The following BRD10 variants were observed in gnomAD, a reference collection of about 807,000 sequenced individuals.
BRD10 encodes bromodomain containing 10, also known as uncharacterized bromodomain-containing protein 10.
At chr9:6,007,707 G>C in the BRD10 span, 1 of 1,607,060 alleles carries the variant, frequency 6.2e-7, no homozygotes, top group African/African-American at 1.3e-5. Context: ...CCTCCTCGTC[G>C]TCCTCTCCTT....
chr9:5,973,047 T>G, the BRD10 span, among the ~76,000 whole-genome samples: 4 of 152,136 alleles, frequency 2.6e-5, no homozygotes, highest in African/African-American at 9.7e-5. Flanking sequence ...CAGTGATCCC[T>G]AACTAAAGCA....
the BRD10 span, among the ~76,000 whole-genome samples, chr9:5,958,658 A>G: frequency 6.6e-6 from 1 of 152,228 alleles, no homozygotes; most frequent in Non-Finnish European, 1.5e-5. Flanking sequence ...ACAGAAAAAA[A>G]AAGGTACTTC....
At chr9:5,969,351 C>T in the BRD10 span, 5 of 1,612,390 alleles carry the variant, frequency 3.1e-6, no homozygotes, top group African/African-American at 1.3e-5. Flanking sequence ...CAAGTTGGAG[C>T]TGCTTGAGCT....
the BRD10 span, among the ~76,000 whole-genome samples, chr9:5,929,934 C>T: frequency 1.1e-4 from 17 of 152,218 alleles, no homozygotes; most frequent in Middle Eastern, 3.4e-3. Flanking sequence ...CTTAGAACCA[C>T]ATCACTACCT....
At chr9:5,919,543 AAC>A in the BRD10 span, 4,392 of 396,440 alleles carry the variant, frequency 0.011, 7 homozygotes, top group African/African-American at 0.014. Flanking sequence ...GATACATTAA[AAC>A]ACACACACAC....
chr9:5,978,023 C>T, the BRD10 span, among the ~76,000 whole-genome samples: 2 of 152,286 alleles, frequency 1.3e-5, no homozygotes, highest in South Asian at 4.1e-4. Flanking sequence ...TACCAAAAGG[C>T]TGCCTAAGGA....
the BRD10 span, among the ~76,000 whole-genome samples, chr9:5,917,027 A>C: frequency 1.6e-4 from 25 of 152,350 alleles, no homozygotes; most frequent in African/African-American, 6.0e-4. Flanking sequence ...ATGGAGCATT[A>C]GTTTTAAAAA....
At chr9:5,920,800 A>G in the BRD10 span, 1 of 1,614,000 alleles carries the variant, frequency 6.2e-7, no homozygotes, top group East Asian at 2.2e-5. Context: ...AACATTTAGG[A>G]GACACTACTG....
the BRD10 span, among the ~76,000 whole-genome samples, chr9:5,960,012 A>G: frequency 1.3e-5 from 2 of 152,134 alleles, no homozygotes; most frequent in Non-Finnish European, 2.9e-5. Context: ...GTTATTCAAC[A>G]TTTTCCACCT....
the BRD10 span, chr9:5,919,022 T>C: frequency 6.6e-6 from 1 of 152,580 alleles, no homozygotes; most frequent in African/African-American, 2.4e-5. Flanking sequence ...AACAAAGAAA[T>C]ACAGCAACTC....
the BRD10 span, among the ~76,000 whole-genome samples, chr9:5,884,641 T>G: frequency 1.3e-5 from 2 of 152,180 alleles, no homozygotes; most frequent in Admixed American, 6.5e-5. Context: ...CTCAAGCCTC[T>G]TCTGTACCAA....
the BRD10 span, among the ~76,000 whole-genome samples, chr9:6,000,485 A>G: frequency 6.6e-6 from 1 of 152,192 alleles, no homozygotes; most frequent in East Asian, 1.9e-4. Flanking sequence ...TCTCTCCAAG[A>G]TATGATTTTT....
At chr9:5,994,901 C>CTTTTTTTTTTCT in the BRD10 span, among the ~76,000 whole-genome samples, 310 of 141,682 alleles carry the variant, frequency 2.2e-3, 4 homozygotes, top group African/African-American at 7.4e-3. Flanking sequence ...TATCATTTTT[C>CTTTTTTTTTTCT]TTTTTTTTTT....
At chr9:5,896,782 G>A in the BRD10 span, among the ~76,000 whole-genome samples, 1 of 152,186 alleles carries the variant, frequency 6.6e-6, no homozygotes, top group African/African-American at 2.4e-5. Flanking sequence ...AGGGGTCACT[G>A]AACACAGGGC....
At chr9:5,979,865 C>T in the BRD10 span, among the ~76,000 whole-genome samples, 1 of 151,222 alleles carries the variant, frequency 6.6e-6, no homozygotes, top group South Asian at 2.1e-4. Context: ...AAAATACAAA[C>T]ATTAGCTGGG....
the BRD10 span, among the ~76,000 whole-genome samples, chr9:5,966,351 A>G: frequency 6.6e-6 from 1 of 151,964 alleles, no homozygotes; most frequent in Non-Finnish European, 1.5e-5. Context: ...AATAAACAAT[A>G]AAGGGTTCTG....
the BRD10 span, among the ~76,000 whole-genome samples, chr9:5,994,903 T>TTCTTTTTTCTG: frequency 4.8e-5 from 7 of 145,512 alleles, no homozygotes; most frequent in Non-Finnish European, 1.1e-4. Flanking sequence ...TCATTTTTCT[T>TTCTTTTTTCTG]TTTTTTTTTT....
chr9:5,967,368 T>C, the BRD10 span, among the ~76,000 whole-genome samples: 8 of 152,192 alleles, frequency 5.3e-5, no homozygotes, highest in Non-Finnish European at 7.4e-5. Flanking sequence ...GAAGACTTCA[T>C]AGAATTTTCT....
At chr9:5,950,192 G>C in the BRD10 span, among the ~76,000 whole-genome samples, 1 of 152,112 alleles carries the variant, frequency 6.6e-6, no homozygotes, top group Non-Finnish European at 1.5e-5. Flanking sequence ...CCAAATCCAA[G>C]ATTTATTTCA....
Sources: allele counts gnomAD v4.1 joint callset (sites outside exome capture counted in the v4.1 genomes callset), GRCh38; gene constraint gnomAD v4.1.1; transcripts MANE v1.5; gene names NCBI Gene and HGNC (gene_info 2026-07-23, HGNC 2026-07-21).